Variants in ABCG8 observed in about 807,000 individuals in gnomAD.
ABCG8 encodes ATP-binding cassette sub-family G member 8.
A neutral mutation model predicts 71.3 loss-of-function variants in ABCG8; 81 were observed. The observed-to-expected ratio is 1.14, with a 90% CI of 0.95 to 1.37. The LOEUF (loss-of-function observed/expected upper bound fraction) is 1.37, where lower values mean the gene tolerates loss of function less well. Ranked by LOEUF, ABCG8 falls within the 40% of genes most tolerant of loss-of-function variation. The pLI is 0.00. For missense variants in ABCG8, 1,119 were observed against 866.2 expected (o/e 1.29, Z -3.66); for synonymous variants, 451 against 354.7 (o/e 1.27, Z -3.05).
chr2:43,844,731 C>A (rs765501068), intron 2 of ABCG8, 123 bp downstream of exon 2: 137 of 726,002 alleles, frequency 1.9e-4, no homozygotes, highest in Non-Finnish European at 3.1e-4. Flanking sequence ...AGAGTCCAGT[C>A]CACATTGATG....
At chr2:43,876,752 G>GTGTC (rs1419174721) in intron 11 of ABCG8, among the ~76,000 whole-genome samples, 1 of 147,372 alleles carries the variant, frequency 6.8e-6, no homozygotes, top group East Asian at 2.1e-4. Flanking sequence ...GGGAGAGAGA[G>GTGTC]TGTCAATATA....
intron 6 of ABCG8, among the ~76,000 whole-genome samples, chr2:43,866,876 G>A (rs1345167773): frequency 6.6e-6 from 1 of 151,076 alleles, no homozygotes; most frequent in Non-Finnish European, 1.5e-5. Flanking sequence ...AAATCATGCT[G>A]CTATAAAGAC....
chr2:43,877,971 CCCT>C lies in ABCG8; in HGVS notation c.*63_*65del, dbSNP rs1266861317. Reference sequence around the variant, plus strand: ...CCTGAGCAGACCCTTCAACTGCACTCCCTCCTCAGGAGCCCCTTCCTGGGGACA... The same window carrying C: ...CCTGAGCAGACCCTTCAACTGCACTCCCTCAGGAGCCCCTTCCTGGGGACA... On this transcript the variant is annotated 3_prime_UTR_variant, in exon 13 of 13. Transcript: ENST00000272286. 1 of 1,612,262 alleles carries C rather than the reference CCCT, an allele frequency of 6.2e-7. No homozygotes were observed. The highest frequency in any genetic ancestry group is 8.5e-7 in the Non-Finnish European group (1 of 1,179,258).
At chr2:43,854,026 C>CA (rs1669015582) in intron 6 of ABCG8, among the ~76,000 whole-genome samples, 2 of 152,250 alleles carry the variant, frequency 1.3e-5, no homozygotes, top group African/African-American at 2.4e-5. Context: ...GAATAGGGGC[C>CA]AAAAGGCACC....
intron 4 of ABCG8, among the ~76,000 whole-genome samples, 182 bp from the exon 5 acceptor site, chr2:43,852,172 C>T (rs1223462666): frequency 6.6e-6 from 1 of 152,242 alleles, no homozygotes; most frequent in Admixed American, 6.5e-5. Flanking sequence ...GTCGAGGCCC[C>T]TCGGGACCTG....
intron 1 of ABCG8, among the ~76,000 whole-genome samples, chr2:43,842,747 C>A (rs996477053): frequency 6.6e-6 from 1 of 151,046 alleles, no homozygotes; most frequent in Admixed American, 6.6e-5. Context: ...CCAGAGATAA[C>A]CCCTCTCCTG....
chr2:43,865,839 ATCTGGATAGAATTCTCACTC>A (rs1165922258), intron 6 of ABCG8, among the ~76,000 whole-genome samples: 3 of 149,904 alleles, frequency 2.0e-5, no homozygotes, highest in East Asian at 1.9e-4. Context: ...CTCACTATCT[ATCTGGATAGAATTCTCACTC>A]TCTGGATAGA....
intron 1 of ABCG8, among the ~76,000 whole-genome samples, chr2:43,842,433 G>A (rs1225799714): frequency 6.6e-6 from 1 of 152,188 alleles, no homozygotes; most frequent in East Asian, 1.9e-4. Flanking sequence ...TGATCTGCCA[G>A]GAGTCCAGCA....
intron 6 of ABCG8, among the ~76,000 whole-genome samples, chr2:43,860,778 C>T (rs751496432): frequency 5.9e-5 from 8 of 135,606 alleles, no homozygotes; most frequent in Non-Finnish European, 1.3e-4. Context: ...TCACTATCTG[C>T]TGTATAGAAT....
At position 43,873,933 on chromosome 2, in the gene ABCG8, T is replaced by A. The variant is rs753004721; in HGVS notation, c.1358T>A (p.Phe453Tyr). The part of the protein sequence containing the change: ...LSFMDTAALL[F>Y]MIGALIPFNV... ...TTCATGGATACAGCCGCCCTCTTGTTCATGATCGGTGCTCTCATCCCTTTC... is the reference window on the plus strand; with the variant it reads ...TTCATGGATACAGCCGCCCTCTTGTACATGATCGGTGCTCTCATCCCTTTC... Residue 453 changes from phenylalanine (F) to tyrosine (Y), a missense_variant, in exon 9 of 13, where the codon TTC becomes TAC. Transcript: ENST00000272286. The A allele has an allele frequency of 6.2e-7, 1 of 1,614,150 alleles. No homozygotes were observed. Among genetic ancestry groups the A allele is most frequent in the Non-Finnish European group, 8.5e-7 (1 of 1,180,036 alleles).
chr2:43,860,669 A>G (rs1669280947), intron 6 of ABCG8, among the ~76,000 whole-genome samples: 1 of 144,536 alleles, frequency 6.9e-6, no homozygotes, highest in East Asian at 2.0e-4. Context: ...AATTGTCACC[A>G]TCTGGGTAGA....
At chr2:43,854,439 C>G (rs1241696587) in intron 6 of ABCG8, among the ~76,000 whole-genome samples, 1 of 151,980 alleles carries the variant, frequency 6.6e-6, no homozygotes, top group Non-Finnish European at 1.5e-5. Flanking sequence ...ACCAGCCTGG[C>G]CAACATGGTG....
intron 6 of ABCG8, among the ~76,000 whole-genome samples, chr2:43,871,603 G>A (rs1669776691): frequency 6.6e-6 from 1 of 151,942 alleles, no homozygotes; most frequent in African/African-American, 2.4e-5. Context: ...TGGACAGCTG[G>A]AGTTGGAGCC....
intron 3 of ABCG8, chr2:43,848,094 T>C (rs1399053495): frequency 6.6e-6 from 1 of 152,072 alleles, no homozygotes; most frequent in Non-Finnish European, 1.5e-5. Context: ...TTCAGTGTTG[T>C]TTGGCTTCAG....
chr2:43,862,113 T>C (rs796458186), intron 6 of ABCG8, among the ~76,000 whole-genome samples: 4,938 of 146,404 alleles, frequency 0.034, no homozygotes, highest in Middle Eastern at 0.067. Flanking sequence ...TCTTTCTGGA[T>C]AGAACTCTTA....
At chr2:43,846,048 T>C in intron 2 of ABCG8, 107 bp from the exon 3 acceptor site, 1 of 1,181,992 alleles carries the variant, frequency 8.5e-7, no homozygotes, top group Non-Finnish European at 1.3e-6. Context: ...TGAGGACATA[T>C]CCTCTGTGGA....
chr2:43,842,342 A>G (rs1049851243), intron 1 of ABCG8, among the ~76,000 whole-genome samples: 2 of 152,134 alleles, frequency 1.3e-5, no homozygotes, highest in Non-Finnish European at 2.9e-5. Flanking sequence ...TGATGATTCA[A>G]CAACAACAAC....
At position 43,877,656 on chromosome 2, in the gene ABCG8, G is replaced by A. The variant is rs200005264; in HGVS notation, c.1852G>A (p.Gly618Arg). ...CAGAAGAACTTATAAAATGCCTCTCGGGAACCTCACCATCGCGGTCTCAGG... is the reference window on the plus strand; with the variant it reads ...CAGAAGAACTTATAAAATGCCTCTCAGGAACCTCACCATCGCGGTCTCAGG... Reference protein sequence around the residue: ...FSRRTYKMPLGNLTIAVSGDK... With the variant: ...FSRRTYKMPLRNLTIAVSGDK... Residue 618 changes from glycine to arginine, a missense_variant, in exon 12 of 13, where the codon GGG (glycine) becomes AGG (arginine). Physicochemically the swap from Gly to Arg is moderately radical, Grantham distance 125 (BLOSUM62 -2). Transcript: ENST00000272286. 17 of 1,613,952 alleles carry A rather than the reference G, an allele frequency of 1.1e-5. No homozygotes were observed. The highest frequency in any genetic ancestry group is 1.4e-5 in the Non-Finnish European group (17 of 1,180,002).
At chr2:43,873,363 T>C (rs1403279242) in intron 8 of ABCG8, among the ~76,000 whole-genome samples, 12 of 151,726 alleles carry the variant, frequency 7.9e-5, no homozygotes, top group Admixed American at 7.2e-4. Context: ...TAATTTTTTG[T>C]GTGTTTTTAG....
Sources: allele counts gnomAD v4.1 joint callset (sites outside exome capture counted in the v4.1 genomes callset), GRCh38; gene constraint gnomAD v4.1.1; transcripts MANE v1.5; gene names NCBI Gene and HGNC (gene_info 2026-07-23, HGNC 2026-07-21).